TMEM266: variants seen among roughly 807,000 people sequenced by gnomAD.
TMEM266 encodes Hv1 related protein 1.
In TMEM266, 33 loss-of-function variants were observed where a neutral mutation model predicts 50.5. The observed-to-expected ratio is 0.65, with a 90% CI of 0.50 to 0.87. TMEM266 has a LOEUF of 0.87. TMEM266 is among the 40% of genes least tolerant of loss of function. The pLI, the probability that TMEM266 is intolerant of heterozygous loss-of-function variation, is 0.00. For missense variants in TMEM266, 655 were observed against 695.1 expected (o/e 0.94, Z 0.65); for synonymous variants, 310 against 292.3 (o/e 1.06, Z -0.62).
chr15:76,185,188 C>T (rs541524998), intron 8 of TMEM266, among the ~76,000 whole-genome samples: 12 of 152,252 alleles, frequency 7.9e-5, no homozygotes, highest in African/African-American at 2.6e-4. Flanking sequence ...AAGTTCTTGG[C>T]CATGGTTTCT....
chr15:76,171,411 C>T (rs948969125), intron 7 of TMEM266, among the ~76,000 whole-genome samples: 7 of 152,212 alleles, frequency 4.6e-5, no homozygotes, highest in Admixed American at 3.3e-4. Context: ...GGGGGGCCAG[C>T]CCCCATGCAA....
intron 8 of TMEM266, among the ~76,000 whole-genome samples, chr15:76,183,015 C>T (rs1567179702): frequency 1.3e-5 from 2 of 149,980 alleles, no homozygotes; most frequent in Non-Finnish European, 3.0e-5. Context: ...TCTCATCATA[C>T]TCCAATGCAG....
chr15:76,102,658 A>G (rs530094867), intron 1 of TMEM266, among the ~76,000 whole-genome samples: 1 of 152,078 alleles, frequency 6.6e-6, no homozygotes, highest in African/African-American at 2.4e-5. Context: ...GAACAACATG[A>G]CAAAACTCTA....
chr15:76,104,234 A>G (rs1345583035), intron 1 of TMEM266, among the ~76,000 whole-genome samples: 1 of 151,778 alleles, frequency 6.6e-6, no homozygotes, highest in Non-Finnish European at 1.5e-5. Context: ...TTTGGGAGTC[A>G]TCGGCAAATA....
At chr15:76,179,189 A>G (rs1472040208) in intron 8 of TMEM266, among the ~76,000 whole-genome samples, 1 of 152,226 alleles carries the variant, frequency 6.6e-6, no homozygotes, top group Admixed American at 6.5e-5. Flanking sequence ...GTCTCTCTTT[A>G]GAACACTTAC....
At chr15:76,158,229 G>A (rs920848340) in intron 4 of TMEM266, among the ~76,000 whole-genome samples, 2 of 152,202 alleles carry the variant, frequency 1.3e-5, no homozygotes, top group East Asian at 3.9e-4. Flanking sequence ...CTCTCTCAGA[G>A]AGCGTGGACG....
intron 8 of TMEM266, chr15:76,181,108 C>T (rs2038397375): frequency 6.6e-6 from 1 of 152,158 alleles, no homozygotes; most frequent in African/African-American, 2.4e-5. Context: ...ATGAAAGGTC[C>T]CTGGGGAGGG....
In TMEM266 at chr15:76,161,945, C is replaced by A. The variant is rs1342693316; in HGVS notation, c.456+1777C>A. Among the ~76,000 whole-genome samples, 9 of 152,276 alleles carry A rather than the reference C, an allele frequency of 5.9e-5. No homozygotes were observed. Among genetic ancestry groups the A allele is most frequent in the Admixed American group, 5.9e-4 (9 of 15,290 alleles). On this transcript the variant is annotated intron_variant, in intron 5 of 10. Transcript: ENST00000388942. The surrounding 1 kb of genome is among the most constrained non-coding windows in gnomAD (Gnocchi z 4.1). ...AATCAGTTGCTGCGGTTCTTCCCCT[C>A]TATCCCTCTGCTTTAGTTTTATTGG...
chr15:76,193,638 A>T (rs1054857206), intron 9 of TMEM266, among the ~76,000 whole-genome samples: 1 of 152,176 alleles, frequency 6.6e-6, no homozygotes, highest in Non-Finnish European at 1.5e-5. Context: ...GCCATGAGCC[A>T]TGCAGCCTCA....
At chr15:76,135,626 C>T (rs2037576615) in intron 2 of TMEM266, among the ~76,000 whole-genome samples, 1 of 152,216 alleles carries the variant, frequency 6.6e-6, no homozygotes, top group African/African-American at 2.4e-5. Context: ...TAAACACCCA[C>T]ACTTTTATAT....
At chr15:76,157,937 G>A (rs922775440) in intron 4 of TMEM266, among the ~76,000 whole-genome samples, 1 of 152,150 alleles carries the variant, frequency 6.6e-6, no homozygotes, top group African/African-American at 2.4e-5. Context: ...GCAGTGAGCC[G>A]TGATCACGCC....
chr15:76,074,664 T>G (rs2036581348), intron 1 of TMEM266, among the ~76,000 whole-genome samples: 1 of 152,028 alleles, frequency 6.6e-6, no homozygotes, highest in South Asian at 2.1e-4. Context: ...TCATAAAATT[T>G]ATTGGGACAC....
At chr15:76,175,434 C>T (rs1567176640) in intron 7 of TMEM266, 125 bp from the exon 8 acceptor site, 1 of 675,006 alleles carries the variant, frequency 1.5e-6, no homozygotes, top group East Asian at 2.7e-5. Context: ...GGACATTTCC[C>T]CTTCTAGATC....
At chr15:76,138,005 T>C (rs2037617828) in intron 3 of TMEM266, 110 bp downstream of exon 3, 2 of 1,131,088 alleles carry the variant, frequency 1.8e-6, no homozygotes, top group African/African-American at 3.2e-5. Flanking sequence ...GCAGATCACC[T>C]GAGGTTAGGA....
At chr15:76,111,272 G>T (rs1283283046) in intron 1 of TMEM266, among the ~76,000 whole-genome samples, 1 of 151,872 alleles carries the variant, frequency 6.6e-6, no homozygotes, top group Non-Finnish European at 1.5e-5. Context: ...GCAGAGACAG[G>T]ATTTCACCAT....
In TMEM266 at chr15:76,121,161, A is replaced by G. The variant is rs565258754; in HGVS notation, c.-96-13007A>G. Among the ~76,000 whole-genome samples the G allele has an allele frequency of 3.3e-5, 5 of 152,314 alleles. No individual in the cohort carries two copies. The East Asian group carries it at 9.6e-4, about 29-fold the overall frequency. ...AGGATTTCTATGCCTGGGTATTGACATAGGGACCTCAAGAGAGGATGGAGC... is the reference window on the plus strand; with the variant it reads ...AGGATTTCTATGCCTGGGTATTGACGTAGGGACCTCAAGAGAGGATGGAGC... On this transcript the variant is annotated intron_variant, in intron 1 of 10. Transcript: ENST00000388942.
chr15:76,112,343 CA>C (rs1455550825), intron 1 of TMEM266, among the ~76,000 whole-genome samples: 1 of 152,154 alleles, frequency 6.6e-6, no homozygotes, highest in Non-Finnish European at 1.5e-5. Flanking sequence ...TTTTAACAAA[CA>C]AATGCAACAT....
chr15:76,199,897 G>A (rs561570470), intron 9 of TMEM266, among the ~76,000 whole-genome samples: 1 of 152,284 alleles, frequency 6.6e-6, no homozygotes, highest in African/African-American at 2.4e-5. Context: ...GGGATGTGAG[G>A]GGCTTTTTAG....
intron 9 of TMEM266, among the ~76,000 whole-genome samples, chr15:76,193,606 A>G (rs1456464814): frequency 6.6e-6 from 1 of 152,182 alleles, no homozygotes; most frequent in Non-Finnish European, 1.5e-5. Context: ...AGCTGATGTG[A>G]GAATCCCCTC....
Sources: allele counts gnomAD v4.1 joint callset (sites outside exome capture counted in the v4.1 genomes callset), GRCh38; gene constraint gnomAD v4.1.1; non-coding constraint Gnocchi (gnomAD v3.1); transcripts MANE v1.5; gene names NCBI Gene and HGNC (gene_info 2026-07-23, HGNC 2026-07-21).